The following UVSSA variants were observed in gnomAD, a reference collection of about 807,000 sequenced individuals.
The protein encoded by UVSSA is UV-stimulated scaffold protein A.
A neutral mutation model predicts 73.9 loss-of-function variants in UVSSA; 72 were observed. That is an observed-to-expected ratio of 0.97 (90% confidence interval 0.81 to 1.19). The LOEUF (loss-of-function observed/expected upper bound fraction) is 1.19. Among genes scored for constraint, UVSSA ranks in the 50% most tolerant of loss-of-function variants. The pLI is 0.00. For missense variants in UVSSA, 1,150 were observed against 965.0 expected (o/e 1.19, Z -2.54); for synonymous variants, 454 against 391.3 (o/e 1.16, Z -1.89).
upstream of UVSSA, among the ~76,000 whole-genome samples, chr4:1,343,589 C>A (rs1219761168): frequency 6.6e-6 from 1 of 152,160 alleles, no homozygotes; most frequent in African/African-American, 2.4e-5. Flanking sequence ...GAATTCGAGA[C>A]CAGCCTGACC....
At chr4:1,394,336 C>A in exon 14 of UVSSA, 1 of 1,142,458 alleles carries the variant, frequency 8.8e-7, no homozygotes, top group Non-Finnish European at 1.2e-6. Flanking sequence ...ACTTAGAATG[C>A]TCTTCCCCCT....
chr4:1,345,649 A>G (rs1412296801), upstream of UVSSA, among the ~76,000 whole-genome samples: 483 of 63,258 alleles, frequency 7.6e-3, 1 homozygote, highest in African/African-American at 0.016. Flanking sequence ...TGTCTCAAAA[A>G]AAAAAAAAAA....
rs770668708 is a variant in UVSSA at position 1,385,869 on chromosome 4, G to T, written c.2038G>T (p.Ala680Ser). 2.8e-5 allele frequency: 45 copies of T among 1,613,922 alleles called. No individual in the cohort carries two copies. Among genetic ancestry groups the T allele is most frequent in the Non-Finnish European group, 3.8e-5 (45 of 1,180,000 alleles). ...ACATCTTGCCTTGTTTCCCCACAGG[G>T]CAGCTGTGCGGAGGGTAGTGGCAGC... is the stretch of plus-strand genomic sequence containing the variant. The part of the protein sequence containing the change: ...ARIGRKVFAK[A>S]AVRRVVAAMN... The change falls in exon 14 of 14, where the codon GCA becomes TCA. Residue 680 changes from alanine to serine, a missense_variant and splice_region_variant. Physicochemically the swap from Ala to Ser is moderately conservative, Grantham distance 99. Transcript: ENST00000389851.
intron 7 of UVSSA, among the ~76,000 whole-genome samples, chr4:1,357,495 C>T (rs1040541425): frequency 3.3e-5 from 5 of 152,254 alleles, no homozygotes; most frequent in Admixed American, 1.3e-4. Context: ...TGAATCTGGG[C>T]AGCCTCCGGG....
Position 1,370,284 on chromosome 4 carries a change from T to G in UVSSA, c.1288+3853T>G, listed in dbSNP as rs1017594670. Among the ~76,000 whole-genome samples, 12 of 152,338 alleles carry G rather than the reference T, an allele frequency of 7.9e-5. 2 individuals carry two copies. The highest frequency in any genetic ancestry group is 3.9e-4 in the East Asian group (2 of 5,184). ...GTGTGTGCGTGTGTGTGCATGCGTG[T>G]GCTGACAGCCCGTATCTGTGTCATG... On this transcript the variant is annotated intron_variant, in intron 8 of 13. Transcript: ENST00000389851.
At chr4:1,393,205 G>T (rs1560500081) in exon 14 of UVSSA, 1 of 152,140 alleles carries the variant, frequency 6.6e-6, no homozygotes, top group Non-Finnish European at 1.5e-5. Flanking sequence ...AACAAAACCT[G>T]ATGTCAAGCT....
At chr4:1,372,167 T>A (rs567868927) in intron 8 of UVSSA, among the ~76,000 whole-genome samples, 3 of 152,336 alleles carry the variant, frequency 2.0e-5, no homozygotes, top group African/African-American at 7.2e-5. Flanking sequence ...TCTTTTTTCG[T>A]CCCTTTATTT....
chr4:1,395,581 C>T (rs775063341), exon 14 of UVSSA: 2 of 1,564,892 alleles, frequency 1.3e-6, no homozygotes, highest in Admixed American at 1.8e-5. Context: ...CTCACACGTG[C>T]CCATGTGGAG....
rs1720179298 is a variant in UVSSA, at chr4:1,387,035, A to G, written c.*1074A>G. 1 of 151,240 alleles carries G rather than the reference A, an allele frequency of 6.6e-6. No homozygotes were observed. Among genetic ancestry groups the G allele is most frequent in the South Asian group, 2.1e-4 (1 of 4,760 alleles). The allele number at this position is 151,240 out of a possible 1,614,324, so 9.4% of individuals were successfully genotyped here. On this transcript the variant is annotated 3_prime_UTR_variant, in exon 14 of 14. Transcript: ENST00000389851. ...CTCCTGGCCAGGAGTTTATATGTAT[A>G]CTGTGGATACTAGATCCTCATGTGA... is the stretch of plus-strand genomic sequence containing the variant.
rs1720246078 is a variant in UVSSA at position 1,387,736 on chromosome 4, T to C, written c.*1775T>C. ...TGAATTATCTTCGCACCATTATTGA[T>C]AATCAGTTGACCAAAAATGTACAGG... On this transcript the variant is annotated 3_prime_UTR_variant, in exon 14 of 14. Coordinates refer to ENST00000389851, the MANE Select transcript of UVSSA (RefSeq NM_020894.4). The C allele has an allele frequency of 6.6e-6, 1 of 152,232 alleles. No individual in the cohort carries two copies. Among genetic ancestry groups the C allele is most frequent in the African/African-American group, 2.4e-5 (1 of 41,456 alleles). The allele number at this position is 152,232 out of a possible 1,614,324, so 9.4% of individuals were successfully genotyped here.
chr4:1,363,419 G>C (rs1282394623), intron 7 of UVSSA, among the ~76,000 whole-genome samples: 2 of 152,182 alleles, frequency 1.3e-5, no homozygotes, highest in Non-Finnish European at 2.9e-5. Context: ...ATGAAAATTT[G>C]ATAAAAGTCC....
chr4:1,380,837 C>A, intron 11 of UVSSA, 43 bp from the exon 12 acceptor site: 1 of 1,597,462 alleles, frequency 6.3e-7, no homozygotes, highest in Non-Finnish European at 8.6e-7. Context: ...TCAAGGCAAG[C>A]GGACCCCTCC....
At chr4:1,346,293 C>T (rs1713672366), upstream of UVSSA, among the ~76,000 whole-genome samples, 1 of 152,236 alleles carries the variant, frequency 6.6e-6, no homozygotes, top group African/African-American at 2.4e-5. Context: ...GGCCCGCCGC[C>T]GGCGGCCCCC....
intron 7 of UVSSA, among the ~76,000 whole-genome samples, chr4:1,356,318 G>A (rs1482583305): frequency 6.6e-6 from 1 of 152,176 alleles, no homozygotes; most frequent in Non-Finnish European, 1.5e-5. Flanking sequence ...TAAATGCTGA[G>A]CCTGTCGTTT....
intron 7 of UVSSA, 54 bp downstream of exon 7, chr4:1,355,299 G>A: frequency 6.8e-7 from 1 of 1,473,120 alleles, no homozygotes; most frequent in Admixed American, 2.0e-5. Flanking sequence ...AGTGGGGGAG[G>A]AGAAGCTGTG....
chr4:1,342,962 CCTAGGTCTGTTGCA>C (rs1415341869), upstream of UVSSA, among the ~76,000 whole-genome samples: 2 of 151,932 alleles, frequency 1.3e-5, no homozygotes, highest in Non-Finnish European at 2.9e-5. Context: ...TCTTGGTGGT[CCTAGGTCTGTTGCA>C]TTTCCACGCA....
intron 5 of UVSSA, 73 bp from the exon 6 acceptor site, chr4:1,354,662 T>C: frequency 4.3e-6 from 6 of 1,391,652 alleles, no homozygotes; most frequent in Non-Finnish European, 6.0e-6. Context: ...CTTCCTTGCA[T>C]GGTCTGCCTC....
intron 12 of UVSSA, among the ~76,000 whole-genome samples, chr4:1,383,104 T>G (rs1719695017): frequency 6.6e-6 from 1 of 152,134 alleles, no homozygotes; most frequent in Non-Finnish European, 1.5e-5. Flanking sequence ...GGCTGCCCAG[T>G]GGGGCTGTTG....
intron 4 of UVSSA, 55 bp from the exon 5 acceptor site, chr4:1,352,975 G>A (rs1715021350): frequency 6.4e-7 from 1 of 1,555,246 alleles, no homozygotes; most frequent in Middle Eastern, 1.7e-4. Flanking sequence ...TTTTGAGTGG[G>A]CTGGTGCTTT....
Sources: allele counts gnomAD v4.1 joint callset (sites outside exome capture counted in the v4.1 genomes callset), GRCh38; gene constraint gnomAD v4.1.1; transcripts MANE v1.5; gene names NCBI Gene and HGNC (gene_info 2026-07-23, HGNC 2026-07-21).